Variants in PUM1 observed in about 807,000 individuals in gnomAD.
PUM1 encodes pumilio RNA binding family member 1.
Under a neutral mutation model 131.8 loss-of-function variants are expected in PUM1, and 13 were observed. The observed-to-expected ratio is 0.10, with a 90% CI of 0.06 to 0.16. The LOEUF is 0.16. PUM1 is among the 10% of genes least tolerant of loss of function. PUM1 has a pLI of 1.00. For missense variants in PUM1, 961 were observed against 1,512.4 expected, an observed-to-expected ratio of 0.64 and a Z score of 6.05; for synonymous variants, 509 against 556.5, an observed-to-expected ratio of 0.91 and a Z score of 1.20.
intron 6 of PUM1, among the ~76,000 whole-genome samples, chr1:30,993,430 T>C (rs1641871496): frequency 6.6e-6 from 1 of 150,858 alleles, no homozygotes; most frequent in Non-Finnish European, 1.5e-5. Flanking sequence ...TCACCTTATA[T>C]AAAAGGACTT....
At chr1:30,985,509 G>A (rs190956861) in intron 7 of PUM1, among the ~76,000 whole-genome samples, 2,099 of 151,996 alleles carry the variant, frequency 0.014, 20 homozygotes, top group Middle Eastern at 0.02. Flanking sequence ...AAAATTAGCC[G>A]GGAGTGGTGG....
intron 2 of PUM1, among the ~76,000 whole-genome samples, chr1:31,046,569 G>A (rs554204013): frequency 1.4e-5 from 2 of 146,766 alleles, no homozygotes; most frequent in Admixed American, 7.0e-5. Context: ...GTGCAGTGGC[G>A]CGATCTTGGC....
chr1:30,947,729 T>C (rs953526815), intron 17 of PUM1, among the ~76,000 whole-genome samples: 1 of 152,174 alleles, frequency 6.6e-6, no homozygotes, highest in Non-Finnish European at 1.5e-5. Context: ...TGTTAATGAA[T>C]ACAATGTCTT....
chr1:31,045,491 G>C (rs1358902471), intron 2 of PUM1, among the ~76,000 whole-genome samples: 1 of 152,192 alleles, frequency 6.6e-6, no homozygotes, highest in Non-Finnish European at 1.5e-5. Flanking sequence ...GCTCACACCT[G>C]TAATACCAGC....
intron 10 of PUM1, among the ~76,000 whole-genome samples, chr1:30,973,899 C>T (rs1641031203): frequency 6.6e-6 from 1 of 151,856 alleles, no homozygotes; most frequent in Admixed American, 6.6e-5. Flanking sequence ...ACAAGCCTGA[C>T]CAACATGGTG....
chr1:30,997,475 G>T (rs1435607482), intron 5 of PUM1, among the ~76,000 whole-genome samples: 2 of 150,478 alleles, frequency 1.3e-5, no homozygotes, highest in Non-Finnish European at 2.9e-5. Flanking sequence ...TCCAGCCTAG[G>T]CAACAAGAGT....
intron 3 of PUM1, among the ~76,000 whole-genome samples, chr1:31,009,017 C>CAAAAA (rs57893493): frequency 1.6e-4 from 20 of 121,832 alleles, no homozygotes; most frequent in African/African-American, 5.0e-4. Context: ...ACTAAAAATA[C>CAAAAA]AAAAAAAAAA....
At chr1:30,979,785 G>A (rs947337567) in intron 9 of PUM1, among the ~76,000 whole-genome samples, 2 of 152,100 alleles carry the variant, frequency 1.3e-5, no homozygotes, top group African/African-American at 4.8e-5. Flanking sequence ...CTGGGCAAGG[G>A]GGGAAATTCC....
chr1:31,011,061 G>C (rs1451291136), intron 3 of PUM1, among the ~76,000 whole-genome samples: 1 of 152,078 alleles, frequency 6.6e-6, no homozygotes, highest in African/African-American at 2.4e-5. Flanking sequence ...AGGAGGCTGA[G>C]GTGGGAAGAC....
chr1:30,936,647 T>C lies in PUM1; in HGVS notation c.3431A>G (p.His1144Arg), dbSNP rs1363515019. 2 of 1,613,194 alleles carry C rather than the reference T, an allele frequency of 1.2e-6. No homozygotes were observed. Among genetic ancestry groups the C allele is most frequent in the African/African-American group, 1.3e-5 (1 of 74,920 alleles). Residue 1144 changes from histidine (H) to arginine (R), a missense_variant, in exon 21 of 22, where the codon CAT (histidine) becomes CGT (arginine). Coordinates refer to ENST00000426105, the MANE Select transcript of PUM1 (RefSeq NM_001020658.2). ...AEPGQRKIVM[H>R]KIRPHIATLR... ...ACCCTGCCCAGCCCGGCCTACCTTA[T>C]GCATGACGATCTTCCGCTGGCCTGG... is the stretch of plus-strand genomic sequence containing the variant.
intron 14 of PUM1, among the ~76,000 whole-genome samples, chr1:30,963,339 C>T (rs1191696665): frequency 2.0e-5 from 3 of 152,150 alleles, no homozygotes; most frequent in East Asian, 1.9e-4. Flanking sequence ...TGTACCCCAT[C>T]CCCCTGTCTA....
intron 2 of PUM1, among the ~76,000 whole-genome samples, chr1:31,045,919 T>C (rs771526837): frequency 4.6e-5 from 7 of 151,986 alleles, no homozygotes; most frequent in Non-Finnish European, 8.8e-5. Flanking sequence ...CAGTCTCTAC[T>C]AAAAATACAA....
chr1:30,935,177 A>C (rs138737585), intron 21 of PUM1, among the ~76,000 whole-genome samples: 3 of 152,302 alleles, frequency 2.0e-5, no homozygotes, highest in Non-Finnish European at 2.9e-5. Context: ...ATTATTTGAA[A>C]TATACGTGTG....
intron 9 of PUM1, among the ~76,000 whole-genome samples, chr1:30,979,117 G>GAA (rs1195274079): frequency 7.0e-6 from 1 of 143,084 alleles, no homozygotes; most frequent in East Asian, 2.0e-4. Flanking sequence ...AAAAAAAAAA[G>GAA]AGAGAGAGAG....
chr1:30,966,667 C>A (rs1001635055), intron 12 of PUM1, among the ~76,000 whole-genome samples: 1 of 152,154 alleles, frequency 6.6e-6, no homozygotes, highest in Non-Finnish European at 1.5e-5. Context: ...TAGCACACTG[C>A]TGTCTTCTAG....
chr1:30,947,040 C>G (rs6680401), intron 17 of PUM1, among the ~76,000 whole-genome samples: 46,539 of 152,082 alleles, frequency 0.31, 7,466 homozygotes, highest in Non-Finnish European at 0.34. Flanking sequence ...TACCTCTAAC[C>G]GTGTAACATG....
Position 30,983,905 on chromosome 1 carries a change from T to G in PUM1, c.1159-2500A>C, listed in dbSNP as rs111349013. ...GGCGTGAGCCACCACACCTGGGCTA[T>G]ATATTTTTTTAATATTACATGTAAG... On this transcript the variant is annotated intron_variant, in intron 7 of 21. Coordinates refer to ENST00000426105, the MANE Select transcript of PUM1 (RefSeq NM_001020658.2). Among the ~76,000 whole-genome samples the G allele has an allele frequency of 8.3e-3, 1,264 of 152,224 alleles. 21 individuals carry two copies. The highest frequency in any genetic ancestry group is 0.028 in the African/African-American group (1,174 of 41,520).
At chr1:31,034,127 A>G (rs144542445) in intron 2 of PUM1, among the ~76,000 whole-genome samples, 141 of 152,350 alleles carry the variant, frequency 9.3e-4, no homozygotes, top group African/African-American at 3.2e-3. Context: ...ATTCTGGAAT[A>G]AAATCACTAA....
intron 2 of PUM1, among the ~76,000 whole-genome samples, chr1:31,057,724 C>CAAAAAAAAAAAAAAAA (rs58490041): frequency 1.4e-5 from 1 of 72,484 alleles, no homozygotes; most frequent in African/African-American, 5.9e-5. Context: ...GACTCCATCT[C>CAAAAAAAAAAAAAAAA]AAAAAAAAAA....
Sources: allele counts gnomAD v4.1 joint callset (sites outside exome capture counted in the v4.1 genomes callset), GRCh38; gene constraint gnomAD v4.1.1; transcripts MANE v1.5; gene names NCBI Gene and HGNC (gene_info 2026-07-23, HGNC 2026-07-21).